Variants in EPHA6 observed in about 807,000 individuals in gnomAD.
EPHA6 encodes the protein EPH receptor A6.
EPHA6 carries 50 observed loss-of-function variants against 112.0 expected under a neutral mutation model. The observed-to-expected ratio is 0.45, with a 90% confidence interval of 0.36 to 0.56. The LOEUF (loss-of-function observed/expected upper bound fraction) is 0.56. Among genes scored for constraint, EPHA6 ranks in the 20% least tolerant of loss-of-function variants. EPHA6 has a pLI of 0.00. For missense variants in EPHA6, 1,280 were observed against 1,417.4 expected (o/e 0.90, Z 1.56); for synonymous variants, 529 against 490.7 (o/e 1.08, Z -1.03).
chr3:96,933,919 A>T (rs1038360455), intron 2 of EPHA6, among the ~76,000 whole-genome samples: 1 of 152,002 alleles, frequency 6.6e-6, no homozygotes, highest in South Asian at 2.1e-4. Context: ...ATTATTTGGA[A>T]GAAATGGCTT....
chr3:97,408,988 C>G (rs1298970529), intron 6 of EPHA6, among the ~76,000 whole-genome samples: 1 of 152,106 alleles, frequency 6.6e-6, no homozygotes, highest in Non-Finnish European at 1.5e-5. Flanking sequence ...CCTTGCCTAA[C>G]ACAGCTATTT....
At chr3:97,092,263 A>G (rs1266571757) in intron 3 of EPHA6, among the ~76,000 whole-genome samples, 1 of 151,990 alleles carries the variant, frequency 6.6e-6, no homozygotes, top group East Asian at 1.9e-4. Flanking sequence ...CTTATTCTGC[A>G]CCTGTCATTG....
Position 97,756,084 on chromosome 3 carries a change from C to A in EPHA6, c.*7383C>A, listed in dbSNP as rs2036018421. On this transcript the variant is annotated 3_prime_UTR_variant, in exon 18 of 18. Coordinates refer to ENST00000389672, the MANE Select transcript of EPHA6 (RefSeq NM_001080448.3). ...CACTTAGAGAAGCCATAATATAATT[C>A]TTCATATTAGTTTATTTTTCAAAGT... is the stretch of plus-strand genomic sequence containing the variant. 6.6e-6 allele frequency among the ~76,000 whole-genome samples: 1 copy of A among 151,772 alleles called. No homozygotes were observed. The highest frequency in any genetic ancestry group is 1.5e-5 in the Non-Finnish European group (1 of 67,814).
At chr3:97,174,354 A>T (rs1466548098) in intron 3 of EPHA6, among the ~76,000 whole-genome samples, 1 of 151,956 alleles carries the variant, frequency 6.6e-6, no homozygotes, top group East Asian at 1.9e-4. Flanking sequence ...GTGCTGCAAC[A>T]AACATAGGAG....
At chr3:97,645,432 G>A (rs1166883691) in intron 14 of EPHA6, among the ~76,000 whole-genome samples, 8 of 141,822 alleles carry the variant, frequency 5.6e-5, no homozygotes, top group East Asian at 2.1e-4. Context: ...ACCAAACACC[G>A]CATATTCTCA....
chr3:97,543,290 T>C (rs1403391190), intron 11 of EPHA6, among the ~76,000 whole-genome samples: 1 of 152,190 alleles, frequency 6.6e-6, no homozygotes, highest in Admixed American at 6.5e-5. Flanking sequence ...AAGGAAGGGA[T>C]CCAGTTTCAG....
intron 2 of EPHA6, among the ~76,000 whole-genome samples, chr3:96,954,172 C>G (rs1351915639): frequency 1.3e-5 from 2 of 152,174 alleles, no homozygotes; most frequent in Non-Finnish European, 2.9e-5. Flanking sequence ...CCACACCCAG[C>G]CTTCAGTAGC....
At chr3:97,199,120 C>T (rs1406449617) in intron 3 of EPHA6, among the ~76,000 whole-genome samples, 3 of 152,148 alleles carry the variant, frequency 2.0e-5, no homozygotes, top group Non-Finnish European at 4.4e-5. Flanking sequence ...GAGACTTCTC[C>T]TAGCTTCTTT....
At chr3:97,053,772 T>C (rs1037644946) in intron 3 of EPHA6, among the ~76,000 whole-genome samples, 9 of 152,142 alleles carry the variant, frequency 5.9e-5, no homozygotes, top group African/African-American at 2.2e-4. Context: ...TTTATCCGAA[T>C]GAGGGATCAT....
At chr3:97,097,647 A>T (rs566557625) in intron 3 of EPHA6, among the ~76,000 whole-genome samples, 22 of 152,008 alleles carry the variant, frequency 1.4e-4, no homozygotes, top group African/African-American at 5.3e-4. Context: ...CCAGATTGGA[A>T]GACCTTTTGT....
intron 13 of EPHA6, among the ~76,000 whole-genome samples, chr3:97,611,566 TAGTGAAAAA>T (rs1443095075): frequency 6.6e-6 from 1 of 151,878 alleles, no homozygotes; most frequent in Non-Finnish European, 1.5e-5. Context: ...TATTCATTGA[TAGTGAAAAA>T]AGTGAAATAT....
chr3:97,101,355 C>G (rs768293399), intron 3 of EPHA6, among the ~76,000 whole-genome samples: 1 of 151,948 alleles, frequency 6.6e-6, no homozygotes, highest in Non-Finnish European at 1.5e-5. Context: ...AAATCTAGTT[C>G]CTTTGTCCCC....
At chr3:97,616,584 C>T (rs767492430) in intron 13 of EPHA6, among the ~76,000 whole-genome samples, 1 of 152,096 alleles carries the variant, frequency 6.6e-6, no homozygotes, top group East Asian at 1.9e-4. Context: ...GAGAACATAA[C>T]TGAACTGATT....
At chr3:97,358,987 T>G (rs2084224530) in intron 5 of EPHA6, among the ~76,000 whole-genome samples, 1 of 151,968 alleles carries the variant, frequency 6.6e-6, no homozygotes, top group Admixed American at 6.6e-5. Flanking sequence ...ATTTTCTCTT[T>G]CTTTTGAAAT....
intron 3 of EPHA6, among the ~76,000 whole-genome samples, chr3:97,173,699 G>A (rs996513473): frequency 1.7e-4 from 26 of 151,848 alleles, no homozygotes; most frequent in African/African-American, 5.1e-4. Flanking sequence ...TTGATTTAGT[G>A]TATAGATTTA....
intron 9 of EPHA6, among the ~76,000 whole-genome samples, chr3:97,480,213 TTTTC>T (rs899109863): frequency 2.0e-5 from 3 of 152,028 alleles, no homozygotes; most frequent in Admixed American, 2.0e-4. Flanking sequence ...TTTTTCTTTT[TTTTC>T]TTTCTTTTTA....
intron 12 of EPHA6, among the ~76,000 whole-genome samples, chr3:97,601,552 A>G (rs1263358562): frequency 1.3e-5 from 2 of 152,128 alleles, no homozygotes; most frequent in Non-Finnish European, 2.9e-5. Context: ...ATCACAGTGG[A>G]AGCTGCCCTA....
At chr3:97,593,977 T>C (rs1296793493) in intron 12 of EPHA6, among the ~76,000 whole-genome samples, 10 of 152,222 alleles carry the variant, frequency 6.6e-5, no homozygotes, top group Non-Finnish European at 1.5e-4. Context: ...ATTTTGTTGT[T>C]GATGATGTTG....
intron 15 of EPHA6, among the ~76,000 whole-genome samples, chr3:97,732,134 C>A (rs939625146): frequency 6.6e-6 from 1 of 151,814 alleles, no homozygotes. Context: ...TTATATCATG[C>A]CAAATCATTC....
Sources: allele counts gnomAD v4.1 joint callset (sites outside exome capture counted in the v4.1 genomes callset), GRCh38; gene constraint gnomAD v4.1.1; transcripts MANE v1.5; gene names NCBI Gene and HGNC (gene_info 2026-07-23, HGNC 2026-07-21).